The following NFE2L2 variants were observed in gnomAD, a reference collection of about 807,000 sequenced individuals.
NFE2L2 encodes nuclear factor erythroid 2-related factor 2.
A neutral mutation model predicts 49.6 loss-of-function variants in NFE2L2; 20 were observed. That is an observed-to-expected ratio of 0.40 (90% confidence interval 0.28 to 0.59). NFE2L2 has a LOEUF of 0.59. NFE2L2 is among the 20% of genes least tolerant of loss of function. The probability of loss-of-function intolerance (pLI) is 0.40; values close to 1 mark genes in which losing one functional copy is unlikely to be tolerated. For synonymous variants in NFE2L2, 244 were observed against 256.5 expected (o/e 0.95, Z 0.47); for missense variants, 578 against 714.2 (o/e 0.81, Z 2.17).
At chr2:177,232,172 A>G (rs1437177214) in intron 4 of NFE2L2, 164 bp from the exon 5 acceptor site, 1 of 910,102 alleles carries the variant, frequency 1.1e-6, no homozygotes, top group Non-Finnish European at 1.6e-6. Context: ...TTTACGCCTA[A>G]GCGTTATGTA....
At chr2:177,251,787 C>T (rs576865618) in intron 1 of NFE2L2, among the ~76,000 whole-genome samples, 24 of 152,070 alleles carry the variant, frequency 1.6e-4, no homozygotes, top group African/African-American at 3.9e-4. Flanking sequence ...GGGCGGATCA[C>T]GAGGTCAGGA....
At chr2:177,245,936 G>A (rs139344881) in intron 1 of NFE2L2, among the ~76,000 whole-genome samples, 6 of 152,234 alleles carry the variant, frequency 3.9e-5, no homozygotes, top group East Asian at 3.9e-4. Flanking sequence ...AGATGAACAC[G>A]TTGAGGCTTC....
In NFE2L2 at chr2:177,251,123, C is replaced by G. The variant is rs1477663280; in HGVS notation, c.45+13409G>C. On this transcript the variant is annotated intron_variant, in intron 1 of 4. Coordinates refer to ENST00000397062, the MANE Select transcript of NFE2L2 (RefSeq NM_006164.5). ...ATGTATCAGCTGTGCATGGCAACAA[C>G]AAAGGTGGTAAAAATGTAAAACGTT... Among the ~76,000 whole-genome samples the G allele has an allele frequency of 3.3e-5, 5 of 152,294 alleles. No individual in the cohort carries two copies. The East Asian group carries it at 5.8e-4, about 18-fold the overall frequency.
At chr2:177,264,267 G>C (rs1162653329) in intron 1 of NFE2L2, 3 of 406,452 alleles carry the variant, frequency 7.4e-6, no homozygotes, top group Non-Finnish European at 8.8e-6. Flanking sequence ...AGGCCCACGC[G>C]AGCGGGCTCA....
intron 1 of NFE2L2, among the ~76,000 whole-genome samples, chr2:177,240,569 T>C (rs1182583426): frequency 1.3e-5 from 2 of 152,214 alleles, no homozygotes; most frequent in Non-Finnish European, 1.5e-5. Context: ...GAAACACAAA[T>C]GTTGGACAAT....
intron 1 of NFE2L2, among the ~76,000 whole-genome samples, chr2:177,243,870 A>G (rs989241362): frequency 2.0e-5 from 3 of 152,176 alleles, no homozygotes; most frequent in Non-Finnish European, 4.4e-5. Flanking sequence ...TCAGTCATCC[A>G]GGCTTGGGGG....
intron 1 of NFE2L2, among the ~76,000 whole-genome samples, chr2:177,247,683 G>A (rs1352940248): frequency 2.9e-4 from 28 of 96,822 alleles, no homozygotes; most frequent in African/African-American, 9.4e-4. Context: ...GCCCCACCCC[G>A]CAAAAAAAAA....
intron 1 of NFE2L2, chr2:177,263,472 A>G: frequency 3.0e-6 from 3 of 985,570 alleles, no homozygotes; most frequent in Non-Finnish European, 3.6e-6. Flanking sequence ...CGCTAAATCC[A>G]AAGACAAAGC....
chr2:177,263,031 T>C (rs909566676), intron 1 of NFE2L2, among the ~76,000 whole-genome samples: 2 of 152,274 alleles, frequency 1.3e-5, no homozygotes, highest in African/African-American at 4.8e-5. Flanking sequence ...CCGAAAACTT[T>C]ACATTTAACA....
intron 1 of NFE2L2, among the ~76,000 whole-genome samples, chr2:177,248,562 A>T (rs1436361764): frequency 6.6e-6 from 1 of 152,092 alleles, no homozygotes; most frequent in African/African-American, 2.4e-5. Context: ...GGCATGCGCC[A>T]CCATGCCTGG....
chr2:177,264,676 G>A lies in NFE2L2; in HGVS notation c.-100C>T, dbSNP rs1252901958. 1 of 1,156,082 alleles carries A rather than the reference G, an allele frequency of 8.6e-7. No individual in the cohort carries two copies. Among genetic ancestry groups the A allele is most frequent in the Non-Finnish European group, 1.1e-6 (1 of 894,926 alleles). The allele number at this position is 1,156,082 out of a possible 1,614,324, so 71.6% of individuals were successfully genotyped here. A position where few individuals can be genotyped will look rare whatever the true frequency, so the allele number is the denominator to read the frequency against. On this transcript the variant is annotated 5_prime_UTR_variant, in exon 1 of 5. Transcript: ENST00000397062. ...GGCGGCTCTGGTGGCGGCGGCGGCG[G>A]CGGTGGCGGCTGCGTCGGCGGCTCC...
At chr2:177,232,842 TTA>T in intron 3 of NFE2L2, 1 of 508,212 alleles carries the variant, frequency 2.0e-6, no homozygotes, top group Non-Finnish European at 3.5e-6. Flanking sequence ...AGGATTTAGT[TTA>T]TATAATATCT....
At chr2:177,261,520 C>A (rs190525518) in intron 1 of NFE2L2, among the ~76,000 whole-genome samples, 135 of 152,270 alleles carry the variant, frequency 8.9e-4, no homozygotes, top group African/African-American at 3.0e-3. Context: ...AGGAGTCAAA[C>A]CTGTTTGAAT....
chr2:177,260,907 A>G (rs1340186262), intron 1 of NFE2L2, among the ~76,000 whole-genome samples: 1 of 152,190 alleles, frequency 6.6e-6, no homozygotes, highest in Non-Finnish European at 1.5e-5. Flanking sequence ...GCAGTGGCTC[A>G]CACCTGTAAT....
chr2:177,231,801 C>G lies in NFE2L2; in HGVS notation c.802G>C (p.Val268Leu), dbSNP rs34154613. The change falls in exon 5 of 5, where the codon GTG becomes CTG. Residue 268 changes from valine (V) to leucine (L), a missense_variant. By Grantham distance (32) the Val-to-Leu change is conservative. Around this residue, in one of 3 missense-constraint regions of NFE2L2, gnomAD observed 368 missense variants for 384.6 expected, o/e 0.96. Coordinates refer to ENST00000397062, the MANE Select transcript of NFE2L2 (RefSeq NM_006164.5). ...LSTEDPNQLT[V>L]NSLNSDATVN... is the part of the protein sequence containing the mutation. The stretch of plus-strand genomic sequence containing the variant: ...GTGGCATCTGAATTTAATGAGTTCA[C>G]TGTCAACTGGTTGGGGTCTTCTGTG... 1 of 1,614,212 alleles carries G rather than the reference C, an allele frequency of 6.2e-7. No individual in the cohort carries two copies. The highest frequency in any genetic ancestry group is 8.5e-7 in the Non-Finnish European group (1 of 1,180,030).
intron 1 of NFE2L2, among the ~76,000 whole-genome samples, chr2:177,236,336 A>G (rs1198241691): frequency 1.3e-5 from 2 of 152,238 alleles, no homozygotes; most frequent in African/African-American, 2.4e-5. Context: ...AACCCTGCTC[A>G]TGGGGCTCAT....
At chr2:177,258,331 G>A (rs894820574) in intron 1 of NFE2L2, among the ~76,000 whole-genome samples, 1 of 152,010 alleles carries the variant, frequency 6.6e-6, no homozygotes, top group African/African-American at 2.4e-5. Flanking sequence ...AGCAACAGAA[G>A]GATAAATACT....
At chr2:177,263,506 C>T in intron 1 of NFE2L2, 1 of 985,516 alleles carries the variant, frequency 1.0e-6, no homozygotes, top group African/African-American at 1.7e-5. Context: ...ATAGCAATTG[C>T]GCAACAGATC....
intron 1 of NFE2L2, among the ~76,000 whole-genome samples, chr2:177,262,010 C>G (rs1574287400): frequency 6.6e-6 from 1 of 152,100 alleles, no homozygotes; most frequent in Non-Finnish European, 1.5e-5. Flanking sequence ...ATCCTAAAGA[C>G]AGAGTCAGTT....
Sources: gnomAD v4.1 joint callset for allele counts (sites outside exome capture counted in the v4.1 genomes callset) on GRCh38, gnomAD v4.1.1 for gene constraint, gnomAD v4.1.1 regional missense constraint, MANE v1.5 for transcripts, NCBI Gene and HGNC (gene_info 2026-07-23, HGNC 2026-07-21) for gene names.